The following LRMDA variants were observed in gnomAD, a reference collection of about 807,000 sequenced individuals.
The protein encoded by LRMDA is leucine rich melanocyte differentiation associated.
Under a neutral mutation model 29.8 loss-of-function variants are expected in LRMDA, and 18 were observed. The observed-to-expected ratio is 0.60, with a 90% CI of 0.42 to 0.90. The LOEUF is 0.90. LRMDA is among the 40% of genes least tolerant of loss of function. The probability of loss-of-function intolerance (pLI) is 0.00; values close to 1 mark genes in which losing one functional copy is unlikely to be tolerated. For synonymous variants in LRMDA, 125 were observed against 109.4 expected, an observed-to-expected ratio of 1.14 and a Z score of -0.89; for missense variants, 273 against 273.9, an observed-to-expected ratio of 1.00 and a Z score of 0.02.
intron 2 of LRMDA, among the ~76,000 whole-genome samples, chr10:75,616,149 G>A (rs1170299201): frequency 2.0e-5 from 3 of 152,172 alleles, no homozygotes; most frequent in Admixed American, 2.0e-4. Flanking sequence ...ATGGCAGCAG[G>A]CAAGGCAGGC....
At chr10:76,124,547 G>A (rs1168509348) in intron 5 of LRMDA, among the ~76,000 whole-genome samples, 1 of 152,226 alleles carries the variant, frequency 6.6e-6, no homozygotes, top group Non-Finnish European at 1.5e-5. Context: ...CCTCTGGCAA[G>A]CTATTTGCCT....
At chr10:75,617,967 A>G (rs1019515615) in intron 2 of LRMDA, among the ~76,000 whole-genome samples, 1 of 152,212 alleles carries the variant, frequency 6.6e-6, no homozygotes, top group African/African-American at 2.4e-5. Context: ...AACTTTGAGA[A>G]TAAACATCTT....
intron 5 of LRMDA, among the ~76,000 whole-genome samples, chr10:76,272,408 C>T (rs1840079354): frequency 6.6e-6 from 1 of 152,150 alleles, no homozygotes; most frequent in Admixed American, 6.5e-5. Context: ...AATCCATGGT[C>T]TGTGAGGAGA....
chr10:75,931,973 A>G (rs1407981978), intron 2 of LRMDA, among the ~76,000 whole-genome samples: 1 of 152,234 alleles, frequency 6.6e-6, no homozygotes, highest in East Asian at 1.9e-4. Flanking sequence ...TCACACACAG[A>G]GTGCCCAGCT....
intron 6 of LRMDA, among the ~76,000 whole-genome samples, chr10:76,371,401 G>A (rs1841452484): frequency 6.6e-6 from 1 of 152,088 alleles, no homozygotes; most frequent in Non-Finnish European, 1.5e-5. Context: ...TCATTTTGGA[G>A]TCAAACACAC....
intron 2 of LRMDA, among the ~76,000 whole-genome samples, chr10:75,625,861 A>T (rs1841243220): frequency 1.4e-5 from 2 of 145,704 alleles, no homozygotes; most frequent in South Asian, 4.4e-4. Context: ...TGGAGAGAGT[A>T]TTTTTTTTTT....
intron 6 of LRMDA, among the ~76,000 whole-genome samples, chr10:76,406,855 C>T (rs1841907641): frequency 6.6e-6 from 1 of 152,054 alleles, no homozygotes; most frequent in South Asian, 2.1e-4. Context: ...TTTGATCCTA[C>T]TCATATTTTA....
At chr10:76,349,483 A>G (rs1183051937) in intron 6 of LRMDA, among the ~76,000 whole-genome samples, 1 of 152,058 alleles carries the variant, frequency 6.6e-6, no homozygotes, top group Non-Finnish European at 1.5e-5. Flanking sequence ...TATTATATAT[A>G]TTTACCTAGT....
intron 2 of LRMDA, among the ~76,000 whole-genome samples, chr10:75,542,552 C>A (rs898993934): frequency 6.6e-6 from 1 of 152,080 alleles, no homozygotes; most frequent in Non-Finnish European, 1.5e-5. Context: ...AATAAAAAAA[C>A]AAATAGAGAA....
chr10:75,749,625 CTT>C (rs76643743), intron 2 of LRMDA, among the ~76,000 whole-genome samples: 3 of 128,740 alleles, frequency 2.3e-5, no homozygotes, highest in Non-Finnish European at 5.1e-5. Flanking sequence ...AATATAGAAA[CTT>C]TTTTTTTTTT....
intron 2 of LRMDA, among the ~76,000 whole-genome samples, chr10:76,008,470 T>A (rs1211633459): frequency 2.0e-5 from 3 of 152,204 alleles, no homozygotes; most frequent in Non-Finnish European, 2.9e-5. Context: ...AACTCATCTT[T>A]GGAAAAACAA....
chr10:76,270,755 A>T (rs1160047318), intron 5 of LRMDA: 1 of 152,242 alleles, frequency 6.6e-6, no homozygotes, highest in African/African-American at 2.4e-5. Flanking sequence ...GGAAGTCTCC[A>T]GCCGAGAGGG....
chr10:75,814,807 T>C (rs1228854564), intron 2 of LRMDA, among the ~76,000 whole-genome samples: 2 of 152,216 alleles, frequency 1.3e-5, no homozygotes, highest in East Asian at 3.9e-4. Flanking sequence ...TGATGGGAAG[T>C]GGGATGTTAC....
intron 6 of LRMDA, among the ~76,000 whole-genome samples, chr10:76,344,531 A>G (rs2132423584): frequency 6.6e-6 from 1 of 152,312 alleles, no homozygotes; most frequent in Middle Eastern, 3.4e-3. Context: ...GTTTTAAACT[A>G]GAAAAACTGA....
intron 5 of LRMDA, among the ~76,000 whole-genome samples, chr10:76,249,026 C>A (rs1252346447): frequency 6.6e-6 from 1 of 152,144 alleles, no homozygotes; most frequent in African/African-American, 2.4e-5. Context: ...AAAGATCAGA[C>A]TTGTTTTTCT....
At chr10:75,821,974 T>A (rs1003427453) in intron 2 of LRMDA, among the ~76,000 whole-genome samples, 7 of 152,172 alleles carry the variant, frequency 4.6e-5, no homozygotes, top group Non-Finnish European at 1.0e-4. Context: ...CTGGAAGTCC[T>A]AGCTACAGCA....
chr10:76,022,278 A>C (rs11001589), intron 2 of LRMDA, among the ~76,000 whole-genome samples: 16,296 of 152,048 alleles, frequency 0.11, 1,340 homozygotes, highest in East Asian at 0.24. Flanking sequence ...AAAGTTAGTC[A>C]AAAGATGGAG....
At chr10:75,695,569 C>G (rs749710441) in intron 2 of LRMDA, among the ~76,000 whole-genome samples, 1 of 152,072 alleles carries the variant, frequency 6.6e-6, no homozygotes, top group East Asian at 1.9e-4. Context: ...TCTCCCTCCC[C>G]CTCCCTTTAA....
At chr10:75,674,666 A>T (rs1841939894) in intron 2 of LRMDA, among the ~76,000 whole-genome samples, 1 of 152,166 alleles carries the variant, frequency 6.6e-6, no homozygotes, top group East Asian at 1.9e-4. Context: ...TTACTGCTCA[A>T]ATGAGGGCAC....
Sources: gnomAD v4.1 joint callset for allele counts (sites outside exome capture counted in the v4.1 genomes callset) on GRCh38, gnomAD v4.1.1 for gene constraint, MANE v1.5 for transcripts, NCBI Gene and HGNC (gene_info 2026-07-23, HGNC 2026-07-21) for gene names.